Variants in ADAMTS20 observed in about 807,000 individuals in gnomAD.
The protein encoded by ADAMTS20 is ADAM metallopeptidase with thrombospondin type 1 motif 20.
A neutral mutation model predicts 260.1 loss-of-function variants in ADAMTS20; 225 were observed. That is an observed-to-expected ratio of 0.87 (90% CI 0.78 to 0.97). The LOEUF (loss-of-function observed/expected upper bound fraction) is 0.97, where lower values mean the gene tolerates loss of function less well. Among genes scored for constraint, ADAMTS20 ranks in the 50% least tolerant of loss-of-function variants. The probability of loss-of-function intolerance (pLI) is 0.00; values close to 1 mark genes in which losing one functional copy is unlikely to be tolerated. For synonymous variants in ADAMTS20, 802 were observed against 769.5 expected (o/e 1.04, Z -0.70); for missense variants, 2,400 against 2,337.7 (o/e 1.03, Z -0.55).
Position 43,551,114 on chromosome 12 carries a change from G to A in ADAMTS20, c.248C>T (p.Thr83Ile). 6.2e-7 allele frequency: 1 copy of A among 1,613,986 alleles called. No individual in the cohort carries two copies. The highest frequency in any genetic ancestry group is 8.5e-7 in the Non-Finnish European group (1 of 1,179,880). ...PMPFRTHYRF[T>I]AYGQLFQLNL... ...CAGCTGGAAGAGCTGCCCGTAGGCA[G>A]TGAAGCGATAGTGGGTTCGGAACGG... Residue 83 changes from threonine (T) to isoleucine (I), a missense_variant, in exon 2 of 39, where the codon ACT becomes ATT. Physicochemically the swap from Thr to Ile is moderately conservative, Grantham distance 89. Coordinates refer to ENST00000389420, the MANE Select transcript of ADAMTS20 (RefSeq NM_025003.5). This position sits in a 1 kb window ranked among gnomAD's most constrained non-coding sequence, Gnocchi z 4.6.
Position 43,466,668 on chromosome 12 carries a change from C to T in ADAMTS20, c.1351G>A (p.Val451Ile). ...WSWSNCSRKYVTEFLDTGYGE... is the reference protein window; with the variant it reads ...WSWSNCSRKYITEFLDTGYGE... ...TTTACTTACTCTAGGAATTCAGTAACATATTTCCGACTACAGTTTGACCAG... is the reference window on the plus strand; with the variant it reads ...TTTACTTACTCTAGGAATTCAGTAATATATTTCCGACTACAGTTTGACCAG... The change falls in exon 9 of 39, where the codon GTT becomes ATT. Residue 451 changes from valine to isoleucine, a missense_variant. Coordinates refer to ENST00000389420, the MANE Select transcript of ADAMTS20 (RefSeq NM_025003.5). 1 of 1,608,680 alleles carries T rather than the reference C, an allele frequency of 6.2e-7. No individual in the cohort carries two copies. The highest frequency in any genetic ancestry group is 8.5e-7 in the Non-Finnish European group (1 of 1,177,690).
At chr12:43,504,797 T>G (rs1397520173) in intron 3 of ADAMTS20, among the ~76,000 whole-genome samples, 1 of 152,126 alleles carries the variant, frequency 6.6e-6, no homozygotes, top group Admixed American at 6.5e-5. Context: ...CTTTAGGTGC[T>G]TCAATACCAA....
At chr12:43,432,217 G>A in intron 21 of ADAMTS20, 87 bp downstream of exon 21, 1 of 1,328,482 alleles carries the variant, frequency 7.5e-7, no homozygotes, top group Non-Finnish European at 1.0e-6. Context: ...ATAAATTTAA[G>A]CACTTTTAAA....
At chr12:43,519,183 G>A (rs1467617068) in intron 3 of ADAMTS20, among the ~76,000 whole-genome samples, 2 of 151,912 alleles carry the variant, frequency 1.3e-5, no homozygotes, top group African/African-American at 4.8e-5. Context: ...TAAATGTAGA[G>A]GTGGATTCAC....
At chr12:43,493,307 A>C in intron 4 of ADAMTS20, 54 bp from the exon 5 acceptor site, 1 of 1,292,896 alleles carries the variant, frequency 7.7e-7, no homozygotes, top group Non-Finnish European at 1.1e-6. Flanking sequence ...TTTCTTCTCA[A>C]AAGTAAGTTG....
chr12:43,523,022 C>A (rs529669874), intron 3 of ADAMTS20, among the ~76,000 whole-genome samples: 2 of 152,292 alleles, frequency 1.3e-5, no homozygotes, highest in African/African-American at 4.8e-5. Context: ...TCCATTTAAT[C>A]ACTTCATCTT....
At chr12:43,515,744 A>C (rs1360567815) in intron 3 of ADAMTS20, among the ~76,000 whole-genome samples, 4 of 152,206 alleles carry the variant, frequency 2.6e-5, no homozygotes, top group Non-Finnish European at 5.9e-5. Context: ...TTGATTATGG[A>C]ATCAGTTTTA....
chr12:43,392,762 T>C (rs991969290), intron 29 of ADAMTS20, among the ~76,000 whole-genome samples: 2 of 152,092 alleles, frequency 1.3e-5, no homozygotes, highest in Admixed American at 6.6e-5. Context: ...GGTTCTGTGA[T>C]TGAAACTCCT....
At chr12:43,376,756 G>C (rs1201106837) in intron 32 of ADAMTS20, 103 bp from the exon 33 acceptor site, 2 of 1,365,570 alleles carry the variant, frequency 1.5e-6, no homozygotes, top group African/African-American at 2.9e-5. Flanking sequence ...AGCACACTGA[G>C]GGTCAGTAGT....
At chr12:43,387,442 G>A (rs1262702905) in intron 29 of ADAMTS20, among the ~76,000 whole-genome samples, 6 of 152,190 alleles carry the variant, frequency 3.9e-5, no homozygotes, top group Non-Finnish European at 8.8e-5. Flanking sequence ...GCTGGGAGGT[G>A]TCTCCCAGTC....
chr12:43,452,184 T>G, intron 14 of ADAMTS20, 90 bp downstream of exon 14: 1 of 1,333,050 alleles, frequency 7.5e-7, no homozygotes, highest in Non-Finnish European at 1.0e-6. Context: ...TATGCTGAAA[T>G]AGTAAAAGTA....
At chr12:43,442,536 G>A (rs557686694) in intron 16 of ADAMTS20, among the ~76,000 whole-genome samples, 1 of 152,108 alleles carries the variant, frequency 6.6e-6, no homozygotes, top group African/African-American at 2.4e-5. Flanking sequence ...GGGATTACAG[G>A]CATGAGCCAC....
chr12:43,424,926 A>G (rs1035644782), intron 28 of ADAMTS20, among the ~76,000 whole-genome samples: 13 of 152,114 alleles, frequency 8.5e-5, no homozygotes, highest in Admixed American at 6.6e-4. Context: ...AGGGCCAATG[A>G]TATACTTTAA....
rs975814917 is a variant in ADAMTS20 at position 43,420,112 on chromosome 12, T to C, written c.4284+5402A>G. 4.6e-5 allele frequency among the ~76,000 whole-genome samples: 7 copies of C among 152,230 alleles called. No individual in the cohort carries two copies. In the East Asian group the frequency reaches 1.3e-3, roughly 29 times the overall value. On this transcript the variant is annotated intron_variant, in intron 28 of 38. Coordinates refer to ENST00000389420, the MANE Select transcript of ADAMTS20 (RefSeq NM_025003.5). ...AAATACAATCTTCATTACTAATTCT[T>C]GGATTATCTCAACCTAGTAAGCCCC... is the stretch of plus-strand genomic sequence containing the variant.
intron 2 of ADAMTS20, among the ~76,000 whole-genome samples, chr12:43,538,398 C>T (rs1943326541): frequency 6.6e-6 from 1 of 152,126 alleles, no homozygotes; most frequent in Admixed American, 6.5e-5. Flanking sequence ...GTTTGAACTC[C>T]TTATATATTC....
chr12:43,451,325 T>C (rs1941860508), intron 14 of ADAMTS20, among the ~76,000 whole-genome samples: 2 of 152,142 alleles, frequency 1.3e-5, no homozygotes, highest in Non-Finnish European at 2.9e-5. Flanking sequence ...CATTGCAATG[T>C]TTGTGCTTTA....
intron 11 of ADAMTS20, among the ~76,000 whole-genome samples, chr12:43,462,393 C>A (rs1942078716): frequency 6.6e-6 from 1 of 152,150 alleles, no homozygotes; most frequent in Admixed American, 6.5e-5. Context: ...TAGATAAGTT[C>A]ATGACTGTTG....
intron 3 of ADAMTS20, 64 bp downstream of exon 3, chr12:43,531,972 C>A (rs1049601916): frequency 4.9e-6 from 5 of 1,030,398 alleles, no homozygotes; most frequent in African/African-American, 1.7e-5. Context: ...TAAATTATAA[C>A]CTATAAAAAA....
intron 3 of ADAMTS20, among the ~76,000 whole-genome samples, chr12:43,529,149 C>T (rs911232296): frequency 6.6e-6 from 1 of 152,024 alleles, no homozygotes; most frequent in Non-Finnish European, 1.5e-5. Flanking sequence ...AGTCAAAAAA[C>T]AATAGATATT....
Sources: gnomAD v4.1 joint callset for allele counts (sites outside exome capture counted in the v4.1 genomes callset) on GRCh38, gnomAD v4.1.1 for gene constraint, Gnocchi (gnomAD v3.1) non-coding constraint, MANE v1.5 for transcripts, NCBI Gene and HGNC (gene_info 2026-07-23, HGNC 2026-07-21) for gene names.